The following TBC1D31 variants were observed in gnomAD, a reference collection of about 807,000 sequenced individuals.
TBC1D31 encodes the protein WD repeat domain 67.
Under a neutral mutation model 132.9 loss-of-function variants are expected in TBC1D31, and 99 were observed. The ratio of observed to expected loss-of-function variants is 0.74; its 90% CI spans 0.63 to 0.88. The LOEUF is 0.88. TBC1D31 is among the 40% of genes least tolerant of loss of function. TBC1D31 has a pLI of 0.00. For synonymous variants in TBC1D31, 385 were observed against 419.4 expected (o/e 0.92, Z 1.00); for missense variants, 1,134 against 1,256.6 (o/e 0.90, Z 1.48).
rs975550446 is a variant in TBC1D31 at position 123,130,771 on chromosome 8, G to A, written c.2406+438G>A. 4.6e-5 allele frequency among the ~76,000 whole-genome samples: 7 copies of A among 151,370 alleles called. No homozygotes were observed. The East Asian group carries it at 5.9e-4, about 13-fold the overall frequency. ...CAAGTAGCTGGGATTACAGGTGCAC[G>A]CCACCACACCCAGCTAATTTTTGTA... On this transcript the variant is annotated intron_variant, in intron 16 of 21. Transcript: ENST00000287380.
chr8:123,151,618 T>C (rs1264570624), intron 21 of TBC1D31, among the ~76,000 whole-genome samples, 188 bp from the exon 22 acceptor site: 7 of 152,220 alleles, frequency 4.6e-5, no homozygotes, highest in African/African-American at 1.7e-4. Context: ...TTAGCATTCA[T>C]TCAGTCCAAC....
the TBC1D31 span, among the ~76,000 whole-genome samples, chr8:123,159,196 C>T: frequency 6.6e-6 from 1 of 150,908 alleles, no homozygotes; most frequent in Admixed American, 6.6e-5. Flanking sequence ...GTAGCAGTCC[C>T]AGGACTGGCA....
At chr8:123,150,209 T>C in intron 21 of TBC1D31, 81 bp downstream of exon 21, 2 of 1,066,192 alleles carry the variant, frequency 1.9e-6, no homozygotes, top group South Asian at 2.7e-5. Flanking sequence ...TAAATTATAT[T>C]TATAGCATGT....
chr8:123,141,844 C>CTT (rs1160750679), intron 18 of TBC1D31, among the ~76,000 whole-genome samples: 1,100 of 52,038 alleles, frequency 0.021, 305 homozygotes, highest in East Asian at 0.034. Flanking sequence ...TTGAAGAGCT[C>CTT]TTTTTTTTTT....
chr8:123,104,213 G>A (rs899730961), intron 7 of TBC1D31: 11 of 152,082 alleles, frequency 7.2e-5, no homozygotes, highest in African/African-American at 2.2e-4. Context: ...CTCTCATGGT[G>A]TAAACAAGTA....
intron 16 of TBC1D31, among the ~76,000 whole-genome samples, chr8:123,133,341 A>G (rs1263806371): frequency 2.6e-5 from 4 of 152,006 alleles, no homozygotes; most frequent in African/African-American, 4.8e-5. Context: ...GCTTCCCCCA[A>G]CCTTTGAGCT....
chr8:123,111,462 A>G (rs1818429243), intron 10 of TBC1D31, among the ~76,000 whole-genome samples: 2 of 152,218 alleles, frequency 1.3e-5, no homozygotes, highest in South Asian at 4.1e-4. Flanking sequence ...CAGAGCAATC[A>G]GTGTATTGAT....
intron 10 of TBC1D31, among the ~76,000 whole-genome samples, chr8:123,117,581 C>T (rs925700047): frequency 6.6e-6 from 1 of 150,532 alleles, no homozygotes; most frequent in South Asian, 2.1e-4. Context: ...GGTGAAACCC[C>T]GTCTCTACTA....
chr8:123,157,341 T>G, the TBC1D31 span, among the ~76,000 whole-genome samples: 1 of 152,282 alleles, frequency 6.6e-6, no homozygotes, highest in Middle Eastern at 3.4e-3. Context: ...TCTGAGGCTA[T>G]ACAGCTGGTC....
chr8:123,088,070 T>C (rs1159764689), intron 4 of TBC1D31, among the ~76,000 whole-genome samples: 1 of 151,916 alleles, frequency 6.6e-6, no homozygotes, highest in African/African-American at 2.4e-5. Flanking sequence ...ATGCCTGTAA[T>C]CCCAGCTACT....
intron 4 of TBC1D31, among the ~76,000 whole-genome samples, chr8:123,088,807 C>T (rs1452188801): frequency 6.6e-6 from 1 of 152,012 alleles, no homozygotes; most frequent in Non-Finnish European, 1.5e-5. Flanking sequence ...CTTTTTTTCT[C>T]ATGACATTAA....
At chr8:123,076,985 CG>C (rs1043256321) in intron 1 of TBC1D31, 125 bp from the exon 2 acceptor site, 65 of 806,254 alleles carry the variant, frequency 8.1e-5, no homozygotes, top group Middle Eastern at 6.1e-4. Context: ...TCTAGAGGAG[CG>C]GGGGTATAGC....
At chr8:123,112,970 C>T (rs575640291) in intron 10 of TBC1D31, among the ~76,000 whole-genome samples, 1 of 152,204 alleles carries the variant, frequency 6.6e-6, no homozygotes, top group Admixed American at 6.5e-5. Context: ...GGTTCATATT[C>T]TAGGTTGAGA....
At chr8:123,073,348 T>A (rs1309129389) in intron 1 of TBC1D31, 2 of 456,486 alleles carry the variant, frequency 4.4e-6, no homozygotes, top group Admixed American at 2.3e-5. Context: ...GAGCTCCTAC[T>A]GTGTGCCAAG....
intron 11 of TBC1D31, chr8:123,123,476 CA>C: frequency 6.4e-6 from 1 of 155,592 alleles, no homozygotes; most frequent in Non-Finnish European, 1.5e-5. Context: ...GGTGATGCTG[CA>C]AAGAAACTGG....
chr8:123,101,130 A>G, intron 7 of TBC1D31, 123 bp downstream of exon 7: 1 of 767,418 alleles, frequency 1.3e-6, no homozygotes, highest in African/African-American at 1.8e-5. Flanking sequence ...TTCTGGATAT[A>G]TTTTGTTGCT....
chr8:123,120,102 C>CAT lies in TBC1D31; in HGVS notation c.1487_1488dup (p.Leu497IlefsTer10). On this transcript the variant is annotated frameshift_variant, in exon 11 of 22. Transcript: ENST00000287380. LOFTEE classifies it high-confidence loss of function. ...TGGTCTGTCATTTTTAGTGACACAC[C>CAT]ATATCTTCCACTCTTGGCATTTCCA... 1 of 1,610,612 alleles carries CAT rather than the reference C, an allele frequency of 6.2e-7. No homozygotes were observed. Among genetic ancestry groups the CAT allele is most frequent in the Admixed American group, 1.7e-5 (1 of 59,536 alleles).
At chr8:123,093,402 G>GT (rs774641911) in intron 4 of TBC1D31, among the ~76,000 whole-genome samples, 189 bp from the exon 5 acceptor site, 15 of 146,638 alleles carry the variant, frequency 1.0e-4, no homozygotes, top group South Asian at 2.2e-4. Flanking sequence ...CGTTTGAAGG[G>GT]TTTTTTTTTT....
intron 1 of TBC1D31, among the ~76,000 whole-genome samples, chr8:123,073,628 C>A (rs908253277): frequency 1.3e-5 from 2 of 152,174 alleles, no homozygotes; most frequent in Non-Finnish European, 2.9e-5. Flanking sequence ...CTCCTAATTC[C>A]CTAGGATTTC....
Sources: gnomAD v4.1 joint callset for allele counts (sites outside exome capture counted in the v4.1 genomes callset) on GRCh38, gnomAD v4.1.1 for gene constraint, MANE v1.5 for transcripts, NCBI Gene and HGNC (gene_info 2026-07-23, HGNC 2026-07-21) for gene names.